PRDM5: variants seen among roughly 807,000 people sequenced by gnomAD.
PRDM5 encodes PR/SET domain 5.
Under a neutral mutation model 81.2 loss-of-function variants are expected in PRDM5, and 56 were observed. The ratio of observed to expected loss-of-function variants is 0.69; its 90% CI spans 0.56 to 0.86. The LOEUF (loss-of-function observed/expected upper bound fraction) is 0.86. Among genes scored for constraint, PRDM5 ranks in the 40% least tolerant of loss-of-function variants. The pLI is 0.00. For synonymous variants in PRDM5, 267 were observed against 256.4 expected (o/e 1.04, Z -0.39); for missense variants, 697 against 770.1 (o/e 0.91, Z 1.12).
intron 3 of PRDM5, among the ~76,000 whole-genome samples, chr4:120,853,118 T>G (rs1480973259): frequency 6.6e-6 from 1 of 152,086 alleles, no homozygotes; most frequent in East Asian, 1.9e-4. Context: ...CAAATTAAAA[T>G]ATCAATGAAT....
chr4:120,726,135 G>C (rs1739374509), intron 14 of PRDM5, among the ~76,000 whole-genome samples: 1 of 152,152 alleles, frequency 6.6e-6, no homozygotes, highest in Non-Finnish European at 1.5e-5. Flanking sequence ...GAAGTGCCAA[G>C]TTTTGCCTCA....
intron 13 of PRDM5, among the ~76,000 whole-genome samples, 161 bp from the exon 14 acceptor site, chr4:120,754,799 G>A (rs140292290): frequency 2.0e-5 from 3 of 152,318 alleles, no homozygotes; most frequent in Non-Finnish European, 4.4e-5. Flanking sequence ...CATGGGTCGT[G>A]CAGGACAGCA....
In PRDM5 at chr4:120,734,391, A is replaced by AACACAC. The variant is rs71597096; in HGVS notation, c.1623+20156_1623+20161dup. Among the ~76,000 whole-genome samples, 1,199 of 147,586 alleles carry AACACAC rather than the reference A, an allele frequency of 8.1e-3. 19 individuals are homozygous for AACACAC. Among genetic ancestry groups the AACACAC allele is most frequent in the African/African-American group, 0.029 (1,143 of 39,378 alleles). On this transcript the variant is annotated intron_variant, in intron 14 of 15. Transcript: ENST00000264808. ...ACTAGCTCCAGTGAGATGTTAGTGG[A>AACACAC]ACACACACACACACACACACACACA...
intron 3 of PRDM5, among the ~76,000 whole-genome samples, chr4:120,839,465 A>C (rs894877003): frequency 6.6e-6 from 1 of 152,114 alleles, no homozygotes; most frequent in African/African-American, 2.4e-5. Context: ...CACAATAAGC[A>C]TTCAGTTCTC....
intron 15 of PRDM5, among the ~76,000 whole-genome samples, chr4:120,706,886 A>G (rs1736248391): frequency 1.3e-5 from 2 of 151,528 alleles, no homozygotes; most frequent in Non-Finnish European, 2.9e-5. Flanking sequence ...ATGAAGAAAT[A>G]GAAAAATTAA....
intron 2 of PRDM5, among the ~76,000 whole-genome samples, chr4:120,904,206 C>CAAA (rs1157460080): frequency 3.7e-5 from 4 of 108,216 alleles, no homozygotes; most frequent in Non-Finnish European, 5.0e-5. Flanking sequence ...AAAAAAAAAA[C>CAAA]AAAAAAACCT....
chr4:120,887,545 C>G (rs1422559932), intron 2 of PRDM5, among the ~76,000 whole-genome samples: 1 of 152,190 alleles, frequency 6.6e-6, no homozygotes, highest in African/African-American at 2.4e-5. Flanking sequence ...GAATAAACCT[C>G]ATTATCTAAT....
intron 1 of PRDM5, among the ~76,000 whole-genome samples, chr4:120,912,679 G>A (rs951092763): frequency 1.3e-5 from 2 of 152,188 alleles, no homozygotes; most frequent in Admixed American, 1.3e-4. Flanking sequence ...TGTTGGATTT[G>A]CTAAAACAGC....
At chr4:120,847,464 T>G (rs868662459) in intron 3 of PRDM5, among the ~76,000 whole-genome samples, 5 of 152,072 alleles carry the variant, frequency 3.3e-5, no homozygotes, top group Non-Finnish European at 7.4e-5. Flanking sequence ...GTGACAGACC[T>G]TGGACACAGA....
At chr4:120,781,032 T>C (rs548768634) in intron 12 of PRDM5, 111 bp downstream of exon 12, 1 of 962,564 alleles carries the variant, frequency 1.0e-6, no homozygotes, top group South Asian at 1.6e-5. Context: ...TTTGTCATTT[T>C]GAGTAAATAT....
intron 2 of PRDM5, among the ~76,000 whole-genome samples, chr4:120,855,290 C>A (rs1298974052): frequency 6.6e-6 from 1 of 152,024 alleles, no homozygotes; most frequent in African/African-American, 2.4e-5. Flanking sequence ...CTGGGAAGCA[C>A]GAATTTAATT....
At chr4:120,822,475 G>A (rs1044657087) in intron 3 of PRDM5, among the ~76,000 whole-genome samples, 13 of 152,114 alleles carry the variant, frequency 8.5e-5, no homozygotes, top group Admixed American at 7.9e-4. Flanking sequence ...AGCAGGAGGA[G>A]GAAGACAAAG....
chr4:120,762,615 A>G (rs1159329679), intron 13 of PRDM5: 1 of 152,176 alleles, frequency 6.6e-6, no homozygotes, highest in African/African-American at 2.4e-5. Context: ...AATCCCTTCA[A>G]TTTATGGAGT....
chr4:120,834,719 A>G (rs1757139813), intron 3 of PRDM5, among the ~76,000 whole-genome samples: 1 of 152,130 alleles, frequency 6.6e-6, no homozygotes, highest in Non-Finnish European at 1.5e-5. Flanking sequence ...ATTACCCTAA[A>G]AAGTGTAGGT....
chr4:120,830,119 A>G (rs1029899109), intron 3 of PRDM5, among the ~76,000 whole-genome samples: 2 of 152,074 alleles, frequency 1.3e-5, no homozygotes, highest in Non-Finnish European at 2.9e-5. Flanking sequence ...TCTATAATCC[A>G]ACAATAAAAC....
intron 2 of PRDM5, among the ~76,000 whole-genome samples, chr4:120,871,131 C>T (rs1761742358): frequency 6.6e-6 from 1 of 152,168 alleles, no homozygotes; most frequent in Admixed American, 6.5e-5. Flanking sequence ...TACCCTTCTG[C>T]CTGCCAGAAA....
Position 120,922,645 on chromosome 4 carries a change from C to T in PRDM5, c.-37G>A, listed in dbSNP as rs759046681. On this transcript the variant is annotated 5_prime_UTR_variant, in exon 1 of 16. Transcript: ENST00000264808. Reference sequence around the variant, plus strand: ...CGGCGGCCGCCGCCTCTCTCAACACCGGCGCTTAGCGCCCGGCAGGCGGCA... The same window carrying T: ...CGGCGGCCGCCGCCTCTCTCAACACTGGCGCTTAGCGCCCGGCAGGCGGCA... The T allele has an allele frequency of 1.9e-6, 3 of 1,579,008 alleles. No homozygotes were observed. Among genetic ancestry groups the T allele is most frequent in the South Asian group, 2.3e-5 (2 of 86,914 alleles).
At chr4:120,897,315 C>T (rs1482012621) in intron 2 of PRDM5, among the ~76,000 whole-genome samples, 1 of 151,918 alleles carries the variant, frequency 6.6e-6, no homozygotes, top group Non-Finnish European at 1.5e-5. Flanking sequence ...TGTCTACTAT[C>T]TTAATTTTTC....
chr4:120,902,740 C>T (rs1765358180), intron 2 of PRDM5, among the ~76,000 whole-genome samples: 1 of 152,200 alleles, frequency 6.6e-6, no homozygotes, highest in Non-Finnish European at 1.5e-5. Flanking sequence ...TCAGTCTATT[C>T]AGAGACCAAG....
Sources: allele counts gnomAD v4.1 joint callset (sites outside exome capture counted in the v4.1 genomes callset), GRCh38; gene constraint gnomAD v4.1.1; transcripts MANE v1.5; gene names NCBI Gene and HGNC (gene_info 2026-07-23, HGNC 2026-07-21).